Variants in RBFOX1 observed in about 807,000 individuals in gnomAD.
The protein encoded by RBFOX1 is RNA binding fox-1 homolog 1, also known as RNA binding protein fox-1 homolog 1.
RBFOX1 carries 8 observed loss-of-function variants against 57.7 expected under a neutral mutation model. The ratio of observed to expected loss-of-function variants is 0.14; its 90% CI spans 0.08 to 0.25. The LOEUF is 0.25. RBFOX1 is among the 10% of genes least tolerant of loss of function. The pLI, the probability that RBFOX1 is intolerant of heterozygous loss-of-function variation, is 1.00. For synonymous variants in RBFOX1, 326 were observed against 222.4 expected (o/e 1.47, Z -4.15); for missense variants, 611 against 548.5 (o/e 1.11, Z -1.14).
At chr16:7,684,637 A>T (rs375445850) in intron 14 of RBFOX1, among the ~76,000 whole-genome samples, 26 of 151,418 alleles carry the variant, frequency 1.7e-4, no homozygotes, top group African/African-American at 6.1e-4. Flanking sequence ...AAAAAAAAAC[A>T]TGATTGTTAG....
chr16:6,437,882 C>G (rs2094280453), intron 2 of RBFOX1, among the ~76,000 whole-genome samples: 1 of 152,166 alleles, frequency 6.6e-6, no homozygotes, highest in Non-Finnish European at 1.5e-5. Flanking sequence ...GCTCCCTCCT[C>G]CAACATTAAG....
At chr16:5,668,629 A>G (rs2049922935) in intron 3 of RBFOX1, among the ~76,000 whole-genome samples, 1 of 152,222 alleles carries the variant, frequency 6.6e-6, no homozygotes, top group South Asian at 2.1e-4. Context: ...TGTGTTATGC[A>G]TAACTCTTCA....
At chr16:6,540,059 C>T (rs987419339) in intron 2 of RBFOX1, among the ~76,000 whole-genome samples, 2 of 152,054 alleles carry the variant, frequency 1.3e-5, no homozygotes, top group Admixed American at 6.5e-5. Context: ...TAGGGCCTCA[C>T]GTGACTTGAC....
At chr16:6,914,469 C>T (rs1007037677) in intron 3 of RBFOX1, among the ~76,000 whole-genome samples, 26 of 152,018 alleles carry the variant, frequency 1.7e-4, no homozygotes, top group Admixed American at 1.2e-3. Context: ...AGAACACAGA[C>T]CTAGGTGTCT....
At chr16:6,317,486 A>G (rs1190216952) in intron 2 of RBFOX1, among the ~76,000 whole-genome samples, 1 of 152,098 alleles carries the variant, frequency 6.6e-6, no homozygotes, top group East Asian at 1.9e-4. Flanking sequence ...GGCATTTAAG[A>G]ACAGTTCATT....
chr16:6,848,875 G>T (rs1298490966), intron 3 of RBFOX1, among the ~76,000 whole-genome samples: 1 of 152,162 alleles, frequency 6.6e-6, no homozygotes, highest in South Asian at 2.1e-4. Flanking sequence ...ATTTCCTCAG[G>T]TGTCAAAGAG....
At chr16:6,721,852 T>G (rs1433118443) in intron 3 of RBFOX1, 2 of 153,244 alleles carry the variant, frequency 1.3e-5, no homozygotes, top group Non-Finnish European at 2.9e-5. Flanking sequence ...TGCAGGAGTA[T>G]TAGTAAGCAC....
At chr16:7,302,861 T>C (rs2096066782) in intron 4 of RBFOX1, among the ~76,000 whole-genome samples, 5 of 151,638 alleles carry the variant, frequency 3.3e-5, no homozygotes, top group Admixed American at 3.3e-4. Flanking sequence ...TAATGAATAA[T>C]TATTACTTCA....
At chr16:5,831,830 A>T (rs2056286123) in intron 3 of RBFOX1, among the ~76,000 whole-genome samples, 1 of 152,186 alleles carries the variant, frequency 6.6e-6, no homozygotes, top group African/African-American at 2.4e-5. Flanking sequence ...GTGGTGAAAT[A>T]AACAAATTAT....
intron 2 of RBFOX1, among the ~76,000 whole-genome samples, chr16:5,578,364 T>C (rs1305835538): frequency 1.3e-5 from 2 of 152,118 alleles, no homozygotes; most frequent in East Asian, 1.9e-4. Context: ...GGTATGTGTA[T>C]GTAAAAGGAA....
rs558656225 is a variant in RBFOX1, at chr16:7,266,683, G to A, written c.27+214585G>A. Among the ~76,000 whole-genome samples, 12 of 152,180 alleles carry A rather than the reference G, an allele frequency of 7.9e-5. No individual in the cohort carries two copies. The East Asian group carries it at 1.4e-3, about 17-fold the overall frequency. On this transcript the variant is annotated intron_variant, in intron 4 of 15. Transcript: ENST00000550418. ...TGGTATACAAAATAATGAGGTTTCT[G>A]TGTTCATGAGCTTACATTCTTTATA...
chr16:5,410,760 A>G (rs2058114), intron 1 of RBFOX1, among the ~76,000 whole-genome samples: 6,168 of 149,220 alleles, frequency 0.041, 265 homozygotes, highest in African/African-American at 0.12. Flanking sequence ...CCTGTTTACA[A>G]TGCCCTGTCC....
chr16:6,789,071 A>G lies in RBFOX1; in HGVS notation c.-16+134421A>G, dbSNP rs117955283. On this transcript the variant is annotated intron_variant, in intron 3 of 15. Coordinates refer to ENST00000550418, the MANE Select transcript of RBFOX1 (RefSeq NM_018723.4). ...AAACATGGATGTCGCGAAATTGCCT[A>G]TTAAACAGGGAAGCTATTAAACAGC... 3.6e-3 allele frequency among the ~76,000 whole-genome samples: 550 copies of G among 152,252 alleles called. 1 individual carries two copies. The highest frequency in any genetic ancestry group is 5.7e-3 in the Non-Finnish European group (387 of 68,036).
At position 6,858,245 on chromosome 16, in the gene RBFOX1, A is replaced by G. The variant is rs141571758; in HGVS notation, c.-15-193812A>G. Among the ~76,000 whole-genome samples the G allele has an allele frequency of 5.5e-3, 844 of 152,334 alleles. 16 individuals carry two copies. The highest frequency in any genetic ancestry group is 0.019 in the African/African-American group (808 of 41,580). The stretch of plus-strand genomic sequence containing the variant: ...TTGAATGGTTTTGAGATTTATCTCA[A>G]ATGATGAACTACACTTTGTAGGGAA... On this transcript the variant is annotated intron_variant, in intron 3 of 15. Coordinates refer to ENST00000550418, the MANE Select transcript of RBFOX1 (RefSeq NM_018723.4).
intron 4 of RBFOX1, among the ~76,000 whole-genome samples, chr16:7,169,693 G>A (rs2080290865): frequency 2.0e-5 from 3 of 152,232 alleles, no homozygotes. Flanking sequence ...CTACACCAAT[G>A]TCAAGACTAT....
chr16:6,901,425 C>T (rs1233830802), intron 3 of RBFOX1, among the ~76,000 whole-genome samples: 1 of 152,140 alleles, frequency 6.6e-6, no homozygotes, highest in Non-Finnish European at 1.5e-5. Context: ...GACAATAACA[C>T]AGAGTCCAAG....
chr16:6,418,513 A>G (rs1007556602), intron 2 of RBFOX1, among the ~76,000 whole-genome samples: 2 of 144,742 alleles, frequency 1.4e-5, no homozygotes, highest in East Asian at 4.0e-4. Context: ...TCTTTCTGCA[A>G]GCCTTATTTT....
intron 4 of RBFOX1, among the ~76,000 whole-genome samples, chr16:5,956,818 C>T (rs149265262): frequency 3.9e-4 from 58 of 150,484 alleles, no homozygotes; most frequent in African/African-American, 1.3e-3. Context: ...TACAAGCATG[C>T]ACCACCATGC....
chr16:6,920,165 T>C (rs1030284677), intron 3 of RBFOX1, among the ~76,000 whole-genome samples: 1 of 152,234 alleles, frequency 6.6e-6, no homozygotes, highest in Non-Finnish European at 1.5e-5. Context: ...GTATTTTCTT[T>C]ATCCACTCAT....
Sources: allele counts gnomAD v4.1 joint callset (sites outside exome capture counted in the v4.1 genomes callset), GRCh38; gene constraint gnomAD v4.1.1; transcripts MANE v1.5; gene names NCBI Gene and HGNC (gene_info 2026-07-23, HGNC 2026-07-21).